Variants in COPA observed in about 807,000 individuals in gnomAD.
The protein encoded by COPA is coat protein complex I subunit alpha.
A neutral mutation model predicts 158.7 loss-of-function variants in COPA; 10 were observed. The ratio of observed to expected loss-of-function variants is 0.06; its 90% CI spans 0.04 to 0.11. The LOEUF is 0.11. COPA is among the 10% of genes least tolerant of loss of function. COPA has a pLI of 1.00. For missense variants in COPA, 1,065 were observed against 1,536.7 expected (o/e 0.69, Z 5.13); for synonymous variants, 462 against 542.8 (o/e 0.85, Z 2.07).
chr1:160,328,876 T>C (rs1365082692), intron 6 of COPA, among the ~76,000 whole-genome samples: 1 of 152,184 alleles, frequency 6.6e-6, no homozygotes, highest in African/African-American at 2.4e-5. Flanking sequence ...AGATAGGTTT[T>C]CCTTTAAAGA....
chr1:160,327,362 C>A (rs1647281595), intron 6 of COPA, among the ~76,000 whole-genome samples: 1 of 151,484 alleles, frequency 6.6e-6, no homozygotes, highest in Non-Finnish European at 1.5e-5. Flanking sequence ...CATGGCAAAA[C>A]CCCGTCTCTA....
rs552816026 is a variant in COPA at position 160,305,065 on chromosome 1, G to A, written c.1667+368C>T. ...CAGTAAAATTACAAAGAAAAGCAAGGAAGAAATTACTGTAAAAACTAGAAT... is the reference window on the plus strand; with the variant it reads ...CAGTAAAATTACAAAGAAAAGCAAGAAAGAAATTACTGTAAAAACTAGAAT... On this transcript the variant is annotated intron_variant, in intron 17 of 32. Coordinates refer to ENST00000241704, the MANE Select transcript of COPA (RefSeq NM_004371.4). Among the ~76,000 whole-genome samples the A allele has an allele frequency of 2.6e-4, 39 of 152,224 alleles. 1 individual carries two copies. In the South Asian group the frequency reaches 5.4e-3, roughly 21 times the overall value.
At chr1:160,337,292 G>A (rs551697751) in intron 3 of COPA, among the ~76,000 whole-genome samples, 8 of 152,276 alleles carry the variant, frequency 5.3e-5, no homozygotes, top group African/African-American at 1.4e-4. Context: ...CTTTGTCAAC[G>A]AGGATTATAA....
intron 30 of COPA, 141 bp from the exon 31 acceptor site, chr1:160,291,637 G>T: frequency 8.7e-7 from 1 of 1,154,192 alleles, no homozygotes; most frequent in Non-Finnish European, 1.2e-6. Flanking sequence ...TACCTCCTAG[G>T]TATGGAGGAC....
Position 160,333,607 on chromosome 1 carries a change from C to T in COPA, c.382G>A (p.Val128Ile), listed in dbSNP as rs1417234096. The change falls in exon 5 of 33, where the codon GTT becomes ATT. Residue 128 changes from valine to isoleucine, a missense_variant. Val to Ile is a conservative substitution (Grantham distance 29, BLOSUM62 3). Transcript: ENST00000241704. Reference sequence around the variant, plus strand: ...GCCCTCTGCCTCCTGCTTTACCAAACACAGGTTCTAGATTGCCAGTTCCAC... The same window carrying T: ...GCCCTCTGCCTCCTGCTTTACCAAATACAGGTTCTAGATTGCCAGTTCCAC... ...RVWNWQSRTC[V>I]CVLTGHNHYV... 2.5e-6 allele frequency: 4 copies of T among 1,611,494 alleles called. No individual in the cohort carries two copies. The highest frequency in any genetic ancestry group is 3.4e-6 in the Non-Finnish European group (4 of 1,178,272).
At chr1:160,303,230 C>T (rs1219165739) in intron 17 of COPA, among the ~76,000 whole-genome samples, 4 of 151,840 alleles carry the variant, frequency 2.6e-5, no homozygotes, top group African/African-American at 9.7e-5. Flanking sequence ...ACAAAACTTA[C>T]GTGAGAAGGC....
At chr1:160,329,450 T>G (rs1647403732) in intron 6 of COPA, among the ~76,000 whole-genome samples, 1 of 152,074 alleles carries the variant, frequency 6.6e-6, no homozygotes, top group East Asian at 1.9e-4. Flanking sequence ...TTAATTTTGA[T>G]GTAAAAATGT....
intron 13 of COPA, 127 bp downstream of exon 13, chr1:160,308,974 G>C (rs2101840601): frequency 1.4e-6 from 1 of 716,402 alleles, no homozygotes; most frequent in Admixed American, 2.4e-5. Flanking sequence ...ATTGTCAGCA[G>C]CACCTGCCAA....
chr1:160,316,876 G>A (rs1347684109), intron 8 of COPA, among the ~76,000 whole-genome samples: 2 of 152,114 alleles, frequency 1.3e-5, no homozygotes, highest in East Asian at 1.9e-4. Flanking sequence ...TCCAGGTACA[G>A]GAAGGCCTGA....
At chr1:160,303,752 A>T (rs1458196902) in intron 17 of COPA, among the ~76,000 whole-genome samples, 1 of 152,200 alleles carries the variant, frequency 6.6e-6, no homozygotes. Flanking sequence ...GACATGCTAC[A>T]AAAGAGGAGA....
chr1:160,309,695 A>G lies in COPA; in HGVS notation c.1143+497T>C, dbSNP rs1658898811. On this transcript the variant is annotated intron_variant, in intron 12 of 32. Transcript: ENST00000241704. ...TATATGAGGAAAGACATTTAACTTCATTCCTTTTAACTTGGCCACGAGGGC... is the reference window on the plus strand; with the variant it reads ...TATATGAGGAAAGACATTTAACTTCGTTCCTTTTAACTTGGCCACGAGGGC... Among the ~76,000 whole-genome samples, 3 of 151,724 alleles carry G rather than the reference A, an allele frequency of 2.0e-5. No individual in the cohort carries two copies. The South Asian group carries it at 6.2e-4, about 32-fold the overall frequency.
At chr1:160,301,967 A>C (rs1490888176) in intron 17 of COPA, among the ~76,000 whole-genome samples, 1 of 152,120 alleles carries the variant, frequency 6.6e-6, no homozygotes, top group African/African-American at 2.4e-5. Flanking sequence ...CTGAAAGTTC[A>C]CCCTTTAAGT....
chr1:160,300,233 G>A (rs995738669), intron 17 of COPA, among the ~76,000 whole-genome samples: 19 of 151,838 alleles, frequency 1.3e-4, no homozygotes, highest in Admixed American at 8.5e-4. Flanking sequence ...CCAACTACTC[G>A]GAAGGCTGAG....
chr1:160,316,570 G>A (rs1263975100), intron 8 of COPA, among the ~76,000 whole-genome samples: 1 of 151,530 alleles, frequency 6.6e-6, no homozygotes, highest in African/African-American at 2.4e-5. Context: ...AACCAACATG[G>A]AGAAACCCTG....
In COPA at chr1:160,293,159, T is replaced by C. The variant is rs1658294785; in HGVS notation, c.2823+7A>G. On this transcript the variant is annotated splice_region_variant and intron_variant, in intron 27 of 32. Transcript: ENST00000241704. ...CACACTCAAGAGGAAAAGCCAAGGT[T>C]ACTTACCCGCATGGCTGTTTCGAAA... 1 of 1,614,012 alleles carries C rather than the reference T, an allele frequency of 6.2e-7. No individual in the cohort carries two copies. The highest frequency in any genetic ancestry group is 1.3e-5 in the African/African-American group (1 of 74,920).
At chr1:160,298,531 C>A (rs1276815010) in intron 19 of COPA, among the ~76,000 whole-genome samples, 1 of 152,192 alleles carries the variant, frequency 6.6e-6, no homozygotes, top group Non-Finnish European at 1.5e-5. Context: ...ATCTAAGTAG[C>A]CAGTCAGCAA....
chr1:160,303,382 A>T (rs1658680419), intron 17 of COPA, among the ~76,000 whole-genome samples: 1 of 152,226 alleles, frequency 6.6e-6, no homozygotes, highest in African/African-American at 2.4e-5. Context: ...TAGACAGACC[A>T]CATTTGAAAA....
chr1:160,333,961 CTA>C (rs1053003789), intron 4 of COPA, among the ~76,000 whole-genome samples: 4 of 95,404 alleles, frequency 4.2e-5, no homozygotes, highest in Admixed American at 9.4e-5. Flanking sequence ...ACATTTACTT[CTA>C]TATGTGTGTG....
intron 7 of COPA, among the ~76,000 whole-genome samples, chr1:160,324,110 C>G (rs1384453131): frequency 6.6e-6 from 1 of 152,128 alleles, no homozygotes; most frequent in Non-Finnish European, 1.5e-5. Flanking sequence ...ATTCACTTGC[C>G]TCGGCCTCCC....
Sources: gnomAD v4.1 joint callset for allele counts (sites outside exome capture counted in the v4.1 genomes callset) on GRCh38, gnomAD v4.1.1 for gene constraint, MANE v1.5 for transcripts, NCBI Gene and HGNC (gene_info 2026-07-23, HGNC 2026-07-21) for gene names.